Variants in SASH1 observed in about 807,000 individuals in gnomAD.
SASH1 encodes SAM and SH3 domain-containing protein 1.
A neutral mutation model predicts 125.2 loss-of-function variants in SASH1; 44 were observed. The observed-to-expected ratio is 0.35, with a 90% confidence interval of 0.28 to 0.45. The LOEUF is 0.45. Among genes scored for constraint, SASH1 ranks in the 20% least tolerant of loss-of-function variants. The pLI is 1.00. For missense variants in SASH1, 1,426 were observed against 1,614.5 expected, an observed-to-expected ratio of 0.88 and a Z score of 2.00; for synonymous variants, 639 against 649.1, an observed-to-expected ratio of 0.98 and a Z score of 0.24.
Position 148,394,806 on chromosome 6 carries a change from G to A in SASH1, c.285+4544G>A, listed in dbSNP as rs138528453. Among the ~76,000 whole-genome samples, 524 of 152,086 alleles carry A rather than the reference G, an allele frequency of 3.4e-3. 3 individuals are homozygous for A. The highest frequency in any genetic ancestry group is 0.012 in the African/African-American group (494 of 41,474). ...ATTACAGGTGTGTACCACCCCTCCCGGCTAATTTTTTGTATTTAGTAGAGT... is the reference window on the plus strand; with the variant it reads ...ATTACAGGTGTGTACCACCCCTCCCAGCTAATTTTTTGTATTTAGTAGAGT... On this transcript the variant is annotated intron_variant, in intron 2 of 19. Coordinates refer to ENST00000367467, the MANE Select transcript of SASH1 (RefSeq NM_015278.5).
chr6:148,511,443 G>A (rs577546737), intron 8 of SASH1, among the ~76,000 whole-genome samples: 3 of 151,486 alleles, frequency 2.0e-5, no homozygotes, highest in South Asian at 4.2e-4. Flanking sequence ...CTTGTCTAGC[G>A]TCCAAAAAAT....
At chr6:148,277,736 A>T (rs1476507496) in intron 1 of SASH1, among the ~76,000 whole-genome samples, 1 of 151,148 alleles carries the variant, frequency 6.6e-6, no homozygotes, top group Non-Finnish European at 1.5e-5. Context: ...TTGTCTTTTG[A>T]GACAGAGTCT....
intron 8 of SASH1, among the ~76,000 whole-genome samples, chr6:148,489,600 T>C (rs1351015243): frequency 6.6e-6 from 1 of 152,170 alleles, no homozygotes; most frequent in African/African-American, 2.4e-5. Flanking sequence ...TCAATGAACA[T>C]AGGGTATCTT....
chr6:148,448,334 A>T (rs143100273), intron 4 of SASH1, among the ~76,000 whole-genome samples: 12 of 151,914 alleles, frequency 7.9e-5, no homozygotes, highest in African/African-American at 2.7e-4. Context: ...CTTCCAGACT[A>T]TGTTTCTTTT....
At chr6:148,240,269 T>A in the SASH1 span, among the ~76,000 whole-genome samples, 1 of 152,034 alleles carries the variant, frequency 6.6e-6, no homozygotes, top group African/African-American at 2.4e-5. Context: ...TGATCAACAC[T>A]TGGCCCGAGG....
chr6:148,226,199 G>T, the SASH1 span, among the ~76,000 whole-genome samples: 1 of 152,010 alleles, frequency 6.6e-6, no homozygotes, highest in African/African-American at 2.4e-5. Flanking sequence ...AAAGAAAAAT[G>T]GTTTATTTGA....
intron 19 of SASH1, among the ~76,000 whole-genome samples, chr6:148,547,413 T>C (rs1162724961): frequency 6.6e-6 from 1 of 152,344 alleles, no homozygotes; most frequent in East Asian, 1.9e-4. Context: ...ATAAGACTTA[T>C]GAATTGTTTA....
chr6:148,500,219 AT>A (rs35731806), intron 8 of SASH1, among the ~76,000 whole-genome samples: 42,854 of 145,738 alleles, frequency 0.29, 6,132 homozygotes, highest in African/African-American at 0.33. Flanking sequence ...CTGACAATAG[AT>A]TTTTTTTTTT....
chr6:148,483,506 C>T (rs1018581446), intron 7 of SASH1, among the ~76,000 whole-genome samples: 1 of 152,142 alleles, frequency 6.6e-6, no homozygotes, highest in African/African-American at 2.4e-5. Flanking sequence ...TAAGAGAAAC[C>T]TCTAAGTGAG....
the SASH1 span, among the ~76,000 whole-genome samples, chr6:148,236,742 C>A: frequency 6.6e-6 from 1 of 152,190 alleles, no homozygotes; most frequent in African/African-American, 2.4e-5. Flanking sequence ...GGGCCAATGA[C>A]ACACATTTGC....
At chr6:148,351,995 A>G (rs1781746040) in intron 1 of SASH1, among the ~76,000 whole-genome samples, 2 of 152,256 alleles carry the variant, frequency 1.3e-5, no homozygotes, top group South Asian at 2.1e-4. Flanking sequence ...TTGTTTGGAA[A>G]TGCCCAGTCT....
Position 148,544,723 on chromosome 6 carries a change from G to T in SASH1, c.3253G>T (p.Val1085Phe), listed in dbSNP as rs1460943178. 3.1e-6 allele frequency: 5 copies of T among 1,610,306 alleles called. No individual in the cohort carries two copies. The highest frequency in any genetic ancestry group is 3.4e-6 in the Non-Finnish European group (4 of 1,178,224). Residue 1085 changes from valine (V) to phenylalanine (F), a missense_variant, in exon 18 of 20, where the codon GTC becomes TTC. Transcript: ENST00000367467. The surrounding 1 kb of genome is among the most constrained non-coding windows in gnomAD (Gnocchi z 6.4). The part of the protein sequence containing the change: ...VKLGPALTRK[V>F]SCARGVDLET... ...GCTGGGCCCGGCTTTGACCAGGAAG[G>T]TCTCCTGTGCCCGGGGAGTGGATCT...
At chr6:148,344,821 G>A (rs1021155375) in intron 1 of SASH1, among the ~76,000 whole-genome samples, 9 of 151,108 alleles carry the variant, frequency 6.0e-5, no homozygotes, top group Admixed American at 5.9e-4. Context: ...AGTGGCACGA[G>A]CTCAGCTCAC....
At chr6:148,356,362 G>A (rs1781936298) in intron 1 of SASH1, among the ~76,000 whole-genome samples, 1 of 152,042 alleles carries the variant, frequency 6.6e-6, no homozygotes, top group Non-Finnish European at 1.5e-5. Context: ...TGGGATTACA[G>A]GCATGAGCCA....
chr6:148,385,451 C>T (rs1783321973), intron 1 of SASH1, among the ~76,000 whole-genome samples: 1 of 152,142 alleles, frequency 6.6e-6, no homozygotes, highest in Admixed American at 6.5e-5. Flanking sequence ...TTCCGGCAAA[C>T]TCCTAAAACC....
the SASH1 span, among the ~76,000 whole-genome samples, chr6:148,228,178 T>A: frequency 7.2e-5 from 11 of 152,214 alleles, no homozygotes; most frequent in African/African-American, 2.7e-4. Flanking sequence ...CCAGCAGGGT[T>A]TTTGATATGG....
At chr6:148,379,493 T>C (rs1473678227) in intron 1 of SASH1, among the ~76,000 whole-genome samples, 1 of 152,102 alleles carries the variant, frequency 6.6e-6, no homozygotes, top group Non-Finnish European at 1.5e-5. Flanking sequence ...AGCTCACCAT[T>C]ATATATAAAA....
At chr6:148,255,426 C>T in the SASH1 span, among the ~76,000 whole-genome samples, 1 of 152,144 alleles carries the variant, frequency 6.6e-6, no homozygotes, top group Non-Finnish European at 1.5e-5. Flanking sequence ...GCCTTAATTA[C>T]CTCCTTAAAG....
Position 148,540,492 on chromosome 6 carries a change from G to T in SASH1, c.2145G>T (p.Gln715His). The T allele has an allele frequency of 3.1e-6, 5 of 1,614,060 alleles. No individual in the cohort carries two copies. Among genetic ancestry groups the T allele is most frequent in the Non-Finnish European group, 4.2e-6 (5 of 1,179,976 alleles). The change falls in exon 17 of 20, where the codon CAG becomes CAT. Residue 715 changes from glutamine to histidine, a missense_variant. By Grantham distance (24) the Gln-to-His change is conservative (BLOSUM62 0). Around this residue, in one of 3 missense-constraint regions of SASH1, gnomAD observed 634 missense variants for 694.4 expected, o/e 0.91. Coordinates refer to ENST00000367467, the MANE Select transcript of SASH1 (RefSeq NM_015278.5). ...GSQEKLLVDS[Q>H]GLSGCSPRDS... ...AGGAGAAGCTGCTCGTTGACAGCCAGGGCCTGAGTGGATGCTCACCCCGAG... is the reference window on the plus strand; with the variant it reads ...AGGAGAAGCTGCTCGTTGACAGCCATGGCCTGAGTGGATGCTCACCCCGAG...
Sources: gnomAD v4.1 joint callset for allele counts (sites outside exome capture counted in the v4.1 genomes callset) on GRCh38, gnomAD v4.1.1 for gene constraint, gnomAD v4.1.1 regional missense constraint, Gnocchi (gnomAD v3.1) non-coding constraint, MANE v1.5 for transcripts, NCBI Gene and HGNC (gene_info 2026-07-23, HGNC 2026-07-21) for gene names.